HS2ST1: variants seen among roughly 807,000 people sequenced by gnomAD.
HS2ST1 encodes heparan sulfate 2-O-sulfotransferase 1.
Under a neutral mutation model 42.9 loss-of-function variants are expected in HS2ST1, and 18 were observed. The observed-to-expected ratio is 0.42, with a 90% CI of 0.29 to 0.62. The LOEUF (loss-of-function observed/expected upper bound fraction) is 0.62. Among genes scored for constraint, HS2ST1 ranks in the 20% least tolerant of loss-of-function variants. The probability of loss-of-function intolerance (pLI) is 0.21; values close to 1 mark genes in which losing one functional copy is unlikely to be tolerated. For missense variants in HS2ST1, 334 were observed against 433.8 expected (o/e 0.77, Z 2.04); for synonymous variants, 146 against 152.9 (o/e 0.95, Z 0.33).
At chr1:87,074,405 C>T (rs1651490779) in intron 2 of HS2ST1, among the ~76,000 whole-genome samples, 1 of 152,052 alleles carries the variant, frequency 6.6e-6, no homozygotes, top group Non-Finnish European at 1.5e-5. Context: ...TCAAAATATG[C>T]TTTGGTTTAA....
At chr1:87,056,306 A>G (rs1246037894) in intron 1 of HS2ST1, among the ~76,000 whole-genome samples, 1 of 152,190 alleles carries the variant, frequency 6.6e-6, no homozygotes, top group Non-Finnish European at 1.5e-5. Flanking sequence ...AGCCCTTACC[A>G]GAAGACAACA....
chr1:87,052,041 C>G (rs918937669), intron 1 of HS2ST1, among the ~76,000 whole-genome samples: 2 of 152,102 alleles, frequency 1.3e-5, no homozygotes, highest in Non-Finnish European at 2.9e-5. Flanking sequence ...TCGCTTGAGC[C>G]TAGGAGTTTG....
intron 1 of HS2ST1, among the ~76,000 whole-genome samples, chr1:87,040,635 G>T (rs1340751975): frequency 1.3e-5 from 2 of 152,132 alleles, no homozygotes; most frequent in Non-Finnish European, 2.9e-5. Flanking sequence ...AGAACCTCAA[G>T]AATACCTTGG....
intron 1 of HS2ST1, among the ~76,000 whole-genome samples, chr1:87,053,271 ATTT>A (rs2100615846): frequency 6.6e-6 from 1 of 152,222 alleles, no homozygotes; most frequent in Admixed American, 6.5e-5. Context: ...GCATTTCTTG[ATTT>A]TGAAAATGCT....
intron 1 of HS2ST1, chr1:87,045,819 C>T: frequency 3.9e-6 from 3 of 774,508 alleles, no homozygotes; most frequent in Non-Finnish European, 7.0e-6. Flanking sequence ...ATCCTTATCC[C>T]ATGTGAGCTC....
intron 1 of HS2ST1, chr1:86,992,895 A>C: frequency 3.6e-6 from 2 of 558,114 alleles, no homozygotes; most frequent in Non-Finnish European, 6.1e-6. Flanking sequence ...AGATTGTAGA[A>C]GAATTTAATA....
intron 4 of HS2ST1, among the ~76,000 whole-genome samples, chr1:87,094,531 A>G (rs564165753): frequency 6.6e-6 from 1 of 152,264 alleles, no homozygotes; most frequent in East Asian, 1.9e-4. Flanking sequence ...GCACGGTGTC[A>G]TTCAGCTAGT....
intron 1 of HS2ST1, among the ~76,000 whole-genome samples, chr1:87,047,581 G>A (rs1366274423): frequency 6.6e-6 from 1 of 151,972 alleles, no homozygotes; most frequent in Non-Finnish European, 1.5e-5. Context: ...ATTCATTTTT[G>A]TATATGATGT....
chr1:87,022,445 G>A (rs1649977416), intron 1 of HS2ST1, among the ~76,000 whole-genome samples: 1 of 152,178 alleles, frequency 6.6e-6, no homozygotes, highest in Non-Finnish European at 1.5e-5. Flanking sequence ...AGAAAAATGA[G>A]ATTAGGAGCA....
intron 2 of HS2ST1, among the ~76,000 whole-genome samples, chr1:87,080,024 T>G (rs1408844): frequency 0.011 from 1,693 of 152,204 alleles, 31 homozygotes; most frequent in African/African-American, 0.038. Context: ...CTGTCCGGCA[T>G]GAGTGACAGA....
intron 5 of HS2ST1, among the ~76,000 whole-genome samples, chr1:87,102,060 A>T (rs1557546808): frequency 6.6e-6 from 1 of 150,478 alleles, no homozygotes; most frequent in African/African-American, 2.4e-5. Flanking sequence ...TATTATTATT[A>T]TTATTATTAT....
Position 87,084,224 on chromosome 1 carries a change from A to G in HS2ST1, c.394A>G (p.Lys132Glu). The change falls in exon 3 of 7, where the codon AAA becomes GAA. Residue 132 changes from lysine (K) to glutamate (E), a missense_variant. Coordinates refer to ENST00000370550, the MANE Select transcript of HS2ST1 (RefSeq NM_012262.4). ...CTTTGTAAAGAATATAACTTCCTGG[A>G]AAGAGATGAAACCAGGATTTTATCA... Reference protein sequence around the residue: ...VRFVKNITSWKEMKPGFYHGH... With the variant: ...VRFVKNITSWEEMKPGFYHGH... 6.2e-7 allele frequency: 1 copy of G among 1,604,724 alleles called. No homozygotes were observed. Among genetic ancestry groups the G allele is most frequent in the African/African-American group, 1.3e-5 (1 of 74,734 alleles).
intron 1 of HS2ST1, among the ~76,000 whole-genome samples, chr1:87,010,402 A>C (rs1649565142): frequency 6.6e-6 from 1 of 152,158 alleles, no homozygotes; most frequent in South Asian, 2.1e-4. Flanking sequence ...GACACTGGTG[A>C]ATGTAGAGAG....
intron 2 of HS2ST1, among the ~76,000 whole-genome samples, chr1:87,082,737 T>C (rs1651724264): frequency 6.6e-6 from 1 of 152,222 alleles, no homozygotes; most frequent in African/African-American, 2.4e-5. Context: ...ATTTTGTTTC[T>C]GTTTCATTTG....
chr1:86,970,080 G>A (rs546014715), intron 1 of HS2ST1, among the ~76,000 whole-genome samples: 166 of 150,364 alleles, frequency 1.1e-3, no homozygotes, highest in African/African-American at 3.7e-3. Context: ...AGTCAAGATC[G>A]CGCCATTGCA....
intron 1 of HS2ST1, chr1:87,044,844 C>T: frequency 1.2e-6 from 1 of 808,644 alleles, no homozygotes; most frequent in East Asian, 2.8e-5. Context: ...CATTTTTTCC[C>T]CTTTGGAACA....
chr1:87,031,270 G>T (rs1650232076), intron 1 of HS2ST1, among the ~76,000 whole-genome samples: 1 of 152,098 alleles, frequency 6.6e-6, no homozygotes, highest in African/African-American at 2.4e-5. Context: ...TCCAAAATGG[G>T]ATAGGCCTAT....
At chr1:87,018,329 TTAC>T (rs1557517355) in intron 1 of HS2ST1, among the ~76,000 whole-genome samples, 1 of 152,216 alleles carries the variant, frequency 6.6e-6, no homozygotes, top group African/African-American at 2.4e-5. Flanking sequence ...GGGAGCTTCT[TTAC>T]TAGTTTTTGA....
At chr1:86,996,442 CAAAAAAAAAAA>C (rs67401349) in intron 1 of HS2ST1, among the ~76,000 whole-genome samples, 1 of 112,904 alleles carries the variant, frequency 8.9e-6, no homozygotes, top group Non-Finnish European at 1.8e-5. Flanking sequence ...AACTCTGTCT[CAAAAAAAAAAA>C]AAAAAAAAAA....
Sources: gnomAD v4.1 joint callset for allele counts (sites outside exome capture counted in the v4.1 genomes callset) on GRCh38, gnomAD v4.1.1 for gene constraint, MANE v1.5 for transcripts, NCBI Gene and HGNC (gene_info 2026-07-23, HGNC 2026-07-21) for gene names.